The following WDR47 variants were observed in gnomAD, a reference collection of about 807,000 sequenced individuals.
The protein encoded by WDR47 is WD repeat-containing protein 47.
WDR47 carries 32 observed loss-of-function variants against 97.2 expected under a neutral mutation model. The ratio of observed to expected loss-of-function variants is 0.33; its 90% CI spans 0.25 to 0.44. WDR47 has a LOEUF of 0.44. Ranked by LOEUF, WDR47 falls within the 20% of genes least tolerant of loss-of-function variation. The pLI is 1.00. For synonymous variants in WDR47, 375 were observed against 373.5 expected, an observed-to-expected ratio of 1.00 and a Z score of -0.05; for missense variants, 782 against 1,102.3, an observed-to-expected ratio of 0.71 and a Z score of 4.11.
At chr1:108,989,109 G>A (rs1557924530) in intron 9 of WDR47, among the ~76,000 whole-genome samples, 1 of 152,132 alleles carries the variant, frequency 6.6e-6, no homozygotes, top group African/African-American at 2.4e-5. Flanking sequence ...CTTCTGAAGA[G>A]AGATGCTGAA....
chr1:108,994,666 T>C (rs1432558561), intron 8 of WDR47, among the ~76,000 whole-genome samples: 2 of 148,166 alleles, frequency 1.3e-5, no homozygotes, highest in Non-Finnish European at 2.9e-5. Flanking sequence ...TGGACAAAGA[T>C]GGGTTTTATT....
chr1:109,032,354 G>A (rs7541010), intron 1 of WDR47, among the ~76,000 whole-genome samples: 131,009 of 133,628 alleles, frequency 0.98, 64,601 homozygotes, highest in Middle Eastern at 1. Flanking sequence ...TAAAAATACA[G>A]AAGATTAGCC....
chr1:109,004,718 T>C lies in WDR47; in HGVS notation c.1131-3A>G. The C allele has an allele frequency of 6.3e-7, 1 of 1,586,162 alleles. No individual in the cohort carries two copies. The highest frequency in any genetic ancestry group is 1.4e-5 in the African/African-American group (1 of 73,878). The stretch of plus-strand genomic sequence containing the variant: ...TCTGTGCATCAACAGGTGTATCACT[T>C]CTTCCAGAAACGTGCAAAAAAACAA... On this transcript the variant is annotated splice_region_variant and splice_polypyrimidine_tract_variant and intron_variant, in intron 5 of 14. Coordinates refer to ENST00000369962, the MANE Select transcript of WDR47 (RefSeq NM_001142551.2).
intron 13 of WDR47, among the ~76,000 whole-genome samples, chr1:108,979,949 A>G (rs1273980528): frequency 6.6e-6 from 1 of 152,158 alleles, no homozygotes; most frequent in Non-Finnish European, 1.5e-5. Flanking sequence ...ATGAGTGAGC[A>G]TTACCACCTG....
chr1:109,006,718 T>C (rs1198705947), intron 5 of WDR47, among the ~76,000 whole-genome samples: 1 of 152,164 alleles, frequency 6.6e-6, no homozygotes, highest in Non-Finnish European at 1.5e-5. Flanking sequence ...TGAACTCAGG[T>C]CATCAGACTC....
intron 1 of WDR47, among the ~76,000 whole-genome samples, chr1:109,037,913 G>A (rs1424473248): frequency 6.6e-6 from 1 of 151,778 alleles, no homozygotes; most frequent in East Asian, 1.9e-4. Context: ...GGCTGGTAGA[G>A]CCTTGTCCAC....
intron 10 of WDR47, among the ~76,000 whole-genome samples, chr1:108,986,010 T>TCCCA: frequency 6.9e-6 from 1 of 144,930 alleles, no homozygotes; most frequent in South Asian, 2.2e-4. Flanking sequence ...AAATGAAAAA[T>TCCCA]CCCACCCCTG....
intron 13 of WDR47, among the ~76,000 whole-genome samples, chr1:108,980,048 T>G (rs927031112): frequency 2.0e-5 from 3 of 152,098 alleles, no homozygotes; most frequent in Non-Finnish European, 4.4e-5. Flanking sequence ...GGTATCTAGG[T>G]TGCGTGCTCC....
At chr1:109,016,334 T>C (rs1389878574) in intron 3 of WDR47, among the ~76,000 whole-genome samples, 1 of 151,212 alleles carries the variant, frequency 6.6e-6, no homozygotes, top group Non-Finnish European at 1.5e-5. Flanking sequence ...GCCCAGGAGG[T>C]AAGGCTACAG....
chr1:109,029,671 CTAAATAAATAAATAAA>C (rs112161424), intron 1 of WDR47, among the ~76,000 whole-genome samples: 5,635 of 140,612 alleles, frequency 0.04, 140 homozygotes, highest in South Asian at 0.078. Context: ...GACTCTGTCT[CTAAATAAATAAATAAA>C]TAAATAAATA....
At chr1:108,986,467 A>G in intron 10 of WDR47, 56 bp downstream of exon 10, 1 of 1,496,402 alleles carries the variant, frequency 6.7e-7, no homozygotes, top group Non-Finnish European at 9.0e-7. Flanking sequence ...AAAGGAACCT[A>G]TACGGCTAAA....
chr1:109,004,844 G>T, intron 5 of WDR47, 129 bp from the exon 6 acceptor site: 1 of 1,166,548 alleles, frequency 8.6e-7, no homozygotes, highest in Non-Finnish European at 1.1e-6. Context: ...AGCCCCGACT[G>T]GAGTGACGCA....
chr1:109,000,045 T>C (rs1388809725), intron 7 of WDR47, among the ~76,000 whole-genome samples: 1 of 152,038 alleles, frequency 6.6e-6, no homozygotes, highest in Non-Finnish European at 1.5e-5. Context: ...AGACCACCAG[T>C]TTAAACAATC....
Position 108,986,719 on chromosome 1 carries a change from A to G in WDR47, c.1768-39T>C, listed in dbSNP as rs945436628. On this transcript the variant is annotated intron_variant, in intron 9 of 14. Coordinates refer to ENST00000369962, the MANE Select transcript of WDR47 (RefSeq NM_001142551.2). The stretch of plus-strand genomic sequence containing the variant: ...GAATATTAGTTATCCTATTAAAAAA[A>G]TGAATTTGAAAGAATTCATCTTTCT... The G allele has an allele frequency of 8.8e-6, 13 of 1,469,074 alleles. No individual in the cohort carries two copies. The African/African-American group carries it at 1.9e-4, about 21-fold the overall frequency. 91.0% of individuals were successfully genotyped at this position (1,469,074 alleles called of 1,614,324 possible). A position where few individuals can be genotyped will look rare whatever the true frequency, so the allele number is the denominator to read the frequency against.
intron 6 of WDR47, 43 bp downstream of exon 6, chr1:109,004,549 A>G (rs772831752): frequency 6.4e-7 from 1 of 1,564,892 alleles, no homozygotes; most frequent in Non-Finnish European, 8.6e-7. Flanking sequence ...TACTTCTTAC[A>G]AAGAGAATAA....
intron 1 of WDR47, among the ~76,000 whole-genome samples, chr1:109,036,973 T>A (rs948585236): frequency 1.3e-5 from 2 of 152,142 alleles, no homozygotes; most frequent in African/African-American, 4.8e-5. Context: ...TATATCATCA[T>A]CTATTTGTGA....
chr1:109,032,605 T>C (rs943861857), intron 1 of WDR47, among the ~76,000 whole-genome samples: 3 of 149,840 alleles, frequency 2.0e-5, no homozygotes, highest in Admixed American at 2.0e-4. Flanking sequence ...ACACTAAAAA[T>C]GTAAAATGTA....
chr1:108,988,079 GA>G (rs112511752), intron 9 of WDR47, among the ~76,000 whole-genome samples: 9,880 of 136,832 alleles, frequency 0.072, 589 homozygotes, highest in African/African-American at 0.17. Flanking sequence ...CTATAAAAAT[GA>G]AAAAAAAAAA....
In WDR47 at chr1:108,980,546, T is replaced by C. The variant is rs1571141660; in HGVS notation, c.2398+1187A>G. Among the ~76,000 whole-genome samples, 9 of 151,974 alleles carry C rather than the reference T, an allele frequency of 5.9e-5. No individual in the cohort carries two copies. The South Asian group carries it at 1.9e-3, about 32-fold the overall frequency. ...GAGTTTGAGACCAGCCTGGCCAATA[T>C]GGTGAAACCCAATCTCTACTAAAAA... On this transcript the variant is annotated intron_variant, in intron 13 of 14. Transcript: ENST00000369962.
Sources: allele counts gnomAD v4.1 joint callset (sites outside exome capture counted in the v4.1 genomes callset), GRCh38; gene constraint gnomAD v4.1.1; transcripts MANE v1.5; gene names NCBI Gene and HGNC (gene_info 2026-07-23, HGNC 2026-07-21).